The following RAD54L2 variants were observed in gnomAD, a reference collection of about 807,000 sequenced individuals.
RAD54L2 encodes RAD54 like 2, also known as helicase ARIP4.
In RAD54L2, 27 loss-of-function variants were observed where a neutral mutation model predicts 138.4. The ratio of observed to expected loss-of-function variants is 0.20; its 90% CI spans 0.14 to 0.27. The LOEUF is 0.27. Ranked by LOEUF, RAD54L2 falls within the 10% of genes least tolerant of loss-of-function variation. The pLI, the probability that RAD54L2 is intolerant of heterozygous loss-of-function variation, is 1.00. For missense variants in RAD54L2, 1,396 were observed against 1,890.2 expected, an observed-to-expected ratio of 0.74 and a Z score of 4.85; for synonymous variants, 644 against 723.2, an observed-to-expected ratio of 0.89 and a Z score of 1.76.
At chr3:51,575,902 G>C (rs1699470437) in intron 2 of RAD54L2, among the ~76,000 whole-genome samples, 1 of 152,204 alleles carries the variant, frequency 6.6e-6, no homozygotes, top group African/African-American at 2.4e-5. Flanking sequence ...GGAGTGGTGA[G>C]AGAGGGCATC....
At position 51,626,436 on chromosome 3, in the gene RAD54L2, C is replaced by CTTTTTTTT. The variant is rs768354274; in HGVS notation, c.140-1098_140-1091dup. Among the ~76,000 whole-genome samples the CTTTTTTTT allele has an allele frequency of 3.2e-3, 125 of 39,392 alleles. 44 individuals are homozygous for CTTTTTTTT. Among genetic ancestry groups the CTTTTTTTT allele is most frequent in the Non-Finnish European group, 4.0e-3 (97 of 24,244 alleles). The allele number at this position is 39,392 out of a possible 152,430, so 25.8% of individuals were successfully genotyped here. A position where few individuals can be genotyped will look rare whatever the true frequency, so the allele number is the denominator to read the frequency against. Reference sequence around the variant, plus strand: ...TGACATCCCCTGGACCCCCAACGATCTTTTTTTTTTTTTTTTTTTTTTTTT... The same window carrying CTTTTTTTT: ...TGACATCCCCTGGACCCCCAACGATCTTTTTTTTTTTTTTTTTTTTTTTTTTTTTTTTT... On this transcript the variant is annotated intron_variant, in intron 3 of 22. Transcript: ENST00000684192.
At chr3:51,608,196 G>A (rs1300961715) in intron 3 of RAD54L2, among the ~76,000 whole-genome samples, 5 of 151,316 alleles carry the variant, frequency 3.3e-5, no homozygotes, top group African/African-American at 1.2e-4. Flanking sequence ...ACGGGGTCGC[G>A]GCCGGGCAGA....
chr3:51,613,262 T>C lies in RAD54L2; in HGVS notation c.140-14291T>C, dbSNP rs565598558. Among the ~76,000 whole-genome samples, 23 of 152,256 alleles carry C rather than the reference T, an allele frequency of 1.5e-4. 1 individual carries two copies. In the South Asian group the frequency reaches 4.6e-3, roughly 30 times the overall value. On this transcript the variant is annotated intron_variant, in intron 3 of 22. Coordinates refer to ENST00000684192, the MANE Select transcript of RAD54L2 (RefSeq NM_015106.4). ...CCACGCATGTGGTTTCATAACTCTG[T>C]GTTATTCAGAAATTTAACTAGAATC...
At chr3:51,569,817 CATTT>C (rs1307997988) in intron 2 of RAD54L2, among the ~76,000 whole-genome samples, 2 of 151,968 alleles carry the variant, frequency 1.3e-5, no homozygotes, top group Admixed American at 6.6e-5. Context: ...AATATGCTAA[CATTT>C]TATTTATTAT....
chr3:51,638,359 A>G lies in RAD54L2; in HGVS notation c.1860+38A>G, dbSNP rs970557039. The G allele has an allele frequency of 1.2e-6, 2 of 1,608,654 alleles. No homozygotes were observed. The highest frequency in any genetic ancestry group is 1.7e-6 in the Non-Finnish European group (2 of 1,176,524). ...CTCAGGGAAGATTGAGATGGGGACT[A>G]AGGATACACATGGTCCCAAGGGAGT... On this transcript the variant is annotated intron_variant, in intron 12 of 22. Transcript: ENST00000684192. The surrounding 1 kb of genome is among the most constrained non-coding windows in gnomAD (Gnocchi z 4.3).
At chr3:51,584,751 AG>A (rs1474870523) in intron 2 of RAD54L2, among the ~76,000 whole-genome samples, 1 of 150,804 alleles carries the variant, frequency 6.6e-6, no homozygotes, top group African/African-American at 2.4e-5. Flanking sequence ...ATTTTTTTTA[AG>A]GGTATTGACC....
rs1283513150 is a variant in RAD54L2, at chr3:51,666,484, G to A, written c.*3064G>A. On this transcript the variant is annotated 3_prime_UTR_variant, in exon 23 of 23. Coordinates refer to ENST00000684192, the MANE Select transcript of RAD54L2 (RefSeq NM_015106.4). ...TTTTCCCTTACCATTGTCTTCCATGGAATGTTTTCAAGGGCCTCTCAAGCC... is the reference window on the plus strand; with the variant it reads ...TTTTCCCTTACCATTGTCTTCCATGAAATGTTTTCAAGGGCCTCTCAAGCC... 1 of 152,054 alleles carries A rather than the reference G, an allele frequency of 6.6e-6. No homozygotes were observed. Among genetic ancestry groups the A allele is most frequent in the African/African-American group, 2.4e-5 (1 of 41,396 alleles). The allele number at this position is 152,054 out of a possible 1,614,324, so 9.4% of individuals were successfully genotyped here.
chr3:51,657,916 C>CTTTTTTTTTTTTTTT, intron 21 of RAD54L2, among the ~76,000 whole-genome samples: 1 of 87,410 alleles, frequency 1.1e-5, no homozygotes, highest in Non-Finnish European at 2.2e-5. Context: ...ATCTTGCTGT[C>CTTTTTTTTTTTTTTT]TTTTTTTTTT....
At chr3:51,597,423 T>C (rs1049860927) in intron 3 of RAD54L2, among the ~76,000 whole-genome samples, 2 of 152,078 alleles carry the variant, frequency 1.3e-5, no homozygotes, top group Admixed American at 1.3e-4. Context: ...ATTGGTGAAG[T>C]GGTGTCAAGG....
intron 3 of RAD54L2, among the ~76,000 whole-genome samples, chr3:51,592,564 G>GT (rs369138040): frequency 3.5e-4 from 53 of 151,010 alleles, no homozygotes; most frequent in African/African-American, 1.3e-3. Flanking sequence ...TACTTCTGGT[G>GT]TTTTTGACCC....
intron 2 of RAD54L2, among the ~76,000 whole-genome samples, chr3:51,553,822 A>T (rs1424983016): frequency 6.6e-6 from 1 of 152,222 alleles, no homozygotes; most frequent in Non-Finnish European, 1.5e-5. Context: ...ACAGAACAAG[A>T]TCCTGTCTCA....
intron 2 of RAD54L2, among the ~76,000 whole-genome samples, chr3:51,586,024 C>T (rs1699700104): frequency 6.6e-6 from 1 of 152,074 alleles, no homozygotes; most frequent in Non-Finnish European, 1.5e-5. Context: ...CCCGCCCCCA[C>T]CGCCACCAAC....
intron 3 of RAD54L2, among the ~76,000 whole-genome samples, chr3:51,606,705 C>G (rs1700188477): frequency 6.6e-6 from 1 of 151,698 alleles, no homozygotes; most frequent in Non-Finnish European, 1.5e-5. Context: ...TATTTTGAGA[C>G]AGAGTCTTGC....
At chr3:51,573,620 C>T (rs1006021785) in intron 2 of RAD54L2, among the ~76,000 whole-genome samples, 8 of 152,028 alleles carry the variant, frequency 5.3e-5, no homozygotes, top group African/African-American at 1.9e-4. Context: ...TATAGGTGCG[C>T]CACCACGCCT....
At chr3:51,565,382 G>A (rs1257646506) in intron 2 of RAD54L2, among the ~76,000 whole-genome samples, 1 of 152,058 alleles carries the variant, frequency 6.6e-6, no homozygotes, top group Non-Finnish European at 1.5e-5. Flanking sequence ...CAGCTGCCTG[G>A]GTGACAAAAT....
chr3:51,639,271 G>T, intron 12 of RAD54L2, 148 bp from the exon 13 acceptor site: 1 of 882,156 alleles, frequency 1.1e-6, no homozygotes, highest in Non-Finnish European at 1.7e-6. Flanking sequence ...AGGCCCTTTG[G>T]CTGTGAAGGG....
At chr3:51,588,444 A>G (rs1008150799) in intron 2 of RAD54L2, among the ~76,000 whole-genome samples, 21 of 149,872 alleles carry the variant, frequency 1.4e-4, no homozygotes, top group African/African-American at 5.1e-4. Context: ...CTGAGGCAGG[A>G]GAATCACCTG....
intron 19 of RAD54L2, among the ~76,000 whole-genome samples, chr3:51,655,485 GTT>G (rs1701574872): frequency 6.6e-6 from 1 of 152,188 alleles, no homozygotes; most frequent in Admixed American, 6.5e-5. Flanking sequence ...AAGTAAAGAT[GTT>G]TAAAGTTGGA....
chr3:51,563,042 G>A (rs1019522761), intron 2 of RAD54L2, among the ~76,000 whole-genome samples: 1 of 152,042 alleles, frequency 6.6e-6, no homozygotes, highest in Non-Finnish European at 1.5e-5. Flanking sequence ...CTCTCTTTGA[G>A]CCTCACTCTT....
Sources: allele counts gnomAD v4.1 joint callset (sites outside exome capture counted in the v4.1 genomes callset), GRCh38; gene constraint gnomAD v4.1.1; non-coding constraint Gnocchi (gnomAD v3.1); transcripts MANE v1.5; gene names NCBI Gene and HGNC (gene_info 2026-07-23, HGNC 2026-07-21).